The following CELF4 variants were observed in gnomAD, a reference collection of about 807,000 sequenced individuals.
CELF4 encodes the protein CUGBP Elav-like family member 4.
Under a neutral mutation model 59.9 loss-of-function variants are expected in CELF4, and 18 were observed. The observed-to-expected ratio is 0.30, with a 90% CI of 0.21 to 0.45. The LOEUF (loss-of-function observed/expected upper bound fraction) is 0.45, where lower values mean the gene tolerates loss of function less well. Ranked by LOEUF, CELF4 falls within the 20% of genes least tolerant of loss-of-function variation. CELF4 has a pLI of 1.00. For missense variants in CELF4, 456 were observed against 689.0 expected, an observed-to-expected ratio of 0.66 and a Z score of 3.79; for synonymous variants, 261 against 267.1, an observed-to-expected ratio of 0.98 and a Z score of 0.22.
At chr18:37,470,334 C>G (rs2099818011) in intron 2 of CELF4, among the ~76,000 whole-genome samples, 1 of 152,170 alleles carries the variant, frequency 6.6e-6, no homozygotes, top group Non-Finnish European at 1.5e-5. Flanking sequence ...TGCATCTGTT[C>G]ATTAAAGCAG....
chr18:37,304,196 C>A (rs960462392), intron 3 of CELF4, among the ~76,000 whole-genome samples: 2 of 152,348 alleles, frequency 1.3e-5, no homozygotes, highest in African/African-American at 4.8e-5. Flanking sequence ...TCAGTGAAGG[C>A]ATCCATTCTT....
intron 1 of CELF4, among the ~76,000 whole-genome samples, chr18:37,516,014 G>A (rs189503160): frequency 2.0e-5 from 3 of 152,318 alleles, no homozygotes; most frequent in Admixed American, 1.3e-4. Flanking sequence ...GTGAGTGAGT[G>A]AATGAATGAA....
chr18:37,276,770 T>C (rs1364971232), intron 3 of CELF4, among the ~76,000 whole-genome samples: 1 of 152,132 alleles, frequency 6.6e-6, no homozygotes, highest in Non-Finnish European at 1.5e-5. Context: ...GCTAAATTGG[T>C]ATGCAGCCAT....
chr18:37,354,858 AT>A (rs2098536804), intron 2 of CELF4, among the ~76,000 whole-genome samples: 1 of 152,180 alleles, frequency 6.6e-6, no homozygotes. Flanking sequence ...CATTTTGGTA[AT>A]TCTGGTTTGT....
chr18:37,480,902 A>G (rs1440616820), intron 2 of CELF4, among the ~76,000 whole-genome samples: 1 of 152,236 alleles, frequency 6.6e-6, no homozygotes, highest in African/African-American at 2.4e-5. Flanking sequence ...TAAGAAAGAG[A>G]AAAGTGAGAA....
chr18:37,486,578 G>A (rs1172271930), intron 1 of CELF4, among the ~76,000 whole-genome samples: 1 of 152,214 alleles, frequency 6.6e-6, no homozygotes, highest in Non-Finnish European at 1.5e-5. Context: ...GCCTGCAGAT[G>A]TGGCTGAAGG....
intron 2 of CELF4, among the ~76,000 whole-genome samples, chr18:37,362,152 C>A (rs1426712399): frequency 6.6e-6 from 1 of 152,118 alleles, no homozygotes; most frequent in African/African-American, 2.4e-5. Flanking sequence ...TCACCCTGAC[C>A]CCCAGGGACA....
chr18:37,527,102 GC>G (rs1267579633), intron 1 of CELF4, among the ~76,000 whole-genome samples: 1 of 151,800 alleles, frequency 6.6e-6, no homozygotes, highest in East Asian at 1.9e-4. Flanking sequence ...TTTTCCCATT[GC>G]CCCCATCCCC....
chr18:37,293,802 T>C (rs2095486177), intron 3 of CELF4, among the ~76,000 whole-genome samples: 1 of 152,198 alleles, frequency 6.6e-6, no homozygotes, highest in South Asian at 2.1e-4. Context: ...TCAGCACCAA[T>C]TCATGTCTAT....
chr18:37,353,249 T>TATATATATATATATATAC (rs1473946530), intron 2 of CELF4, among the ~76,000 whole-genome samples: 1 of 146,598 alleles, frequency 6.8e-6, no homozygotes, highest in Non-Finnish European at 1.5e-5. Flanking sequence ...TATATATATA[T>TATATATATATATATATAC]ACATAAAAGA....
chr18:37,317,638 T>C (rs1261913414), intron 3 of CELF4, among the ~76,000 whole-genome samples: 1 of 152,148 alleles, frequency 6.6e-6, no homozygotes, highest in African/African-American at 2.4e-5. Flanking sequence ...CCAGCTCCAC[T>C]TCCCTCTGTA....
At chr18:37,314,531 TAC>T (rs2096792281) in intron 3 of CELF4, among the ~76,000 whole-genome samples, 1 of 152,096 alleles carries the variant, frequency 6.6e-6, no homozygotes, top group Non-Finnish European at 1.5e-5. Context: ...CAGGTCCAGA[TAC>T]AGAGGCCAAG....
intron 3 of CELF4, among the ~76,000 whole-genome samples, chr18:37,320,417 C>T (rs2097068061): frequency 1.3e-5 from 2 of 152,054 alleles, no homozygotes; most frequent in Non-Finnish European, 2.9e-5. Context: ...TTTCTAAACC[C>T]TTTCCGGGCT....
At chr18:37,417,871 A>C (rs1292712213) in intron 2 of CELF4, among the ~76,000 whole-genome samples, 1 of 152,216 alleles carries the variant, frequency 6.6e-6, no homozygotes, top group Non-Finnish European at 1.5e-5. Flanking sequence ...GGGGTGGGGT[A>C]AGAAACATCA....
intron 2 of CELF4, among the ~76,000 whole-genome samples, chr18:37,392,915 G>A (rs760346172): frequency 3.6e-4 from 55 of 152,142 alleles, no homozygotes; most frequent in African/African-American, 1.3e-3. Context: ...ATTGTTTATC[G>A]GTAGATTATC....
chr18:37,331,338 A>T (rs2097535481), intron 2 of CELF4, among the ~76,000 whole-genome samples: 1 of 152,124 alleles, frequency 6.6e-6, no homozygotes, highest in South Asian at 2.1e-4. Context: ...CTCCTCCTCC[A>T]GCAAGCCTTC....
chr18:37,398,231 CT>C (rs778622181), intron 2 of CELF4, among the ~76,000 whole-genome samples: 1 of 152,172 alleles, frequency 6.6e-6, no homozygotes, highest in Non-Finnish European at 1.5e-5. Context: ...AAATTACTTC[CT>C]TCTCTAAAGT....
chr18:37,252,446 C>T (rs1381621091), intron 12 of CELF4, among the ~76,000 whole-genome samples: 1 of 151,894 alleles, frequency 6.6e-6, no homozygotes, highest in Non-Finnish European at 1.5e-5. Flanking sequence ...CTATTCAGAA[C>T]TCTCCAATGC....
At chr18:37,441,322 G>A (rs1374144381) in intron 2 of CELF4, among the ~76,000 whole-genome samples, 1 of 149,770 alleles carries the variant, frequency 6.7e-6, no homozygotes, top group Non-Finnish European at 1.5e-5. Context: ...CACACACGGG[G>A]GAGATGGGAA....
Sources: allele counts gnomAD v4.1 joint callset (sites outside exome capture counted in the v4.1 genomes callset), GRCh38; gene constraint gnomAD v4.1.1; transcripts MANE v1.5; gene names NCBI Gene and HGNC (gene_info 2026-07-23, HGNC 2026-07-21).